The following SCLT1 variants were observed in gnomAD, a reference collection of about 807,000 sequenced individuals.
SCLT1 encodes sodium channel and clathrin linker 1, also known as sodium channel-associated protein 1.
In SCLT1, 78 loss-of-function variants were observed where a neutral mutation model predicts 112.8. That is an observed-to-expected ratio of 0.69 (90% CI 0.58 to 0.83). The LOEUF (loss-of-function observed/expected upper bound fraction) is 0.83, where lower values mean the gene tolerates loss of function less well. Ranked by LOEUF, SCLT1 falls within the 40% of genes least tolerant of loss-of-function variation. The pLI, the probability that SCLT1 is intolerant of heterozygous loss-of-function variation, is 0.00. For missense variants in SCLT1, 747 were observed against 770.4 expected (o/e 0.97, Z 0.36); for synonymous variants, 257 against 254.7 (o/e 1.01, Z -0.09).
chr4:128,911,852 T>G (rs1735121103), intron 18 of SCLT1, among the ~76,000 whole-genome samples: 1 of 152,216 alleles, frequency 6.6e-6, no homozygotes. Context: ...CTTAAAAGAA[T>G]TCAATTCTTA....
intron 5 of SCLT1, among the ~76,000 whole-genome samples, chr4:129,020,631 T>C (rs1289977216): frequency 6.6e-6 from 1 of 152,234 alleles, no homozygotes; most frequent in Non-Finnish European, 1.5e-5. Flanking sequence ...TAAGGCCATA[T>C]GAACTGGTAA....
intron 1 of SCLT1, among the ~76,000 whole-genome samples, chr4:129,088,141 A>G (rs1752556536): frequency 6.6e-6 from 1 of 152,172 alleles, no homozygotes. Context: ...CATTTATAAA[A>G]TAAAATTCAA....
At chr4:128,888,317 C>T (rs1733047603) in intron 20 of SCLT1, among the ~76,000 whole-genome samples, 1 of 151,326 alleles carries the variant, frequency 6.6e-6, no homozygotes, top group Non-Finnish European at 1.5e-5. Context: ...CTTGGGCCCA[C>T]GCCATCCTCC....
chr4:129,027,891 CAG>C (rs1450439394), intron 5 of SCLT1, among the ~76,000 whole-genome samples: 2 of 152,100 alleles, frequency 1.3e-5, no homozygotes, highest in African/African-American at 4.8e-5. Context: ...AACAGACAAA[CAG>C]AGAGCCAAAT....
chr4:129,084,225 G>T (rs1482475068), intron 1 of SCLT1, among the ~76,000 whole-genome samples: 1 of 152,072 alleles, frequency 6.6e-6, no homozygotes, highest in African/African-American at 2.4e-5. Context: ...AGACACAAAG[G>T]CTGGAAAAGA....
At position 129,043,378 on chromosome 4, in the gene SCLT1, T is replaced by G; in HGVS notation, c.234+17A>C. On this transcript the variant is annotated intron_variant, in intron 4 of 20. Transcript: ENST00000281142. ...ATAATAAAATATTACAAAAGCCTCA[T>G]AACTATGATTTCATACCTGGTAATA... is the stretch of plus-strand genomic sequence containing the variant. 1 of 1,257,180 alleles carries G rather than the reference T, an allele frequency of 8.0e-7. No individual in the cohort carries two copies. Among genetic ancestry groups the G allele is most frequent in the Non-Finnish European group, 1.1e-6 (1 of 872,516 alleles). The allele number at this position is 1,257,180 out of a possible 1,614,324, so 77.9% of individuals were successfully genotyped here.
intron 18 of SCLT1, among the ~76,000 whole-genome samples, chr4:128,915,853 CTG>C (rs1036306025): frequency 1.3e-4 from 20 of 152,182 alleles, no homozygotes; most frequent in African/African-American, 4.8e-4. Context: ...GAAAGACAGA[CTG>C]TTTTAAAACA....
intron 18 of SCLT1, among the ~76,000 whole-genome samples, chr4:128,930,551 C>CA (rs1736673648): frequency 1.3e-5 from 2 of 152,178 alleles, no homozygotes; most frequent in South Asian, 4.1e-4. Context: ...GTTCTAGAGT[C>CA]ACGGAAGTGG....
At chr4:128,976,876 A>G (rs1185491619) in intron 9 of SCLT1, among the ~76,000 whole-genome samples, 3 of 152,192 alleles carry the variant, frequency 2.0e-5, no homozygotes, top group African/African-American at 7.2e-5. Flanking sequence ...AAGATGAGAA[A>G]TAAGACTGTA....
intron 4 of SCLT1, chr4:129,039,308 T>C: frequency 4.7e-6 from 2 of 422,000 alleles, no homozygotes. Flanking sequence ...ATAAATAAAA[T>C]AGAAATATTT....
chr4:129,006,011 T>G (rs1743973423), intron 5 of SCLT1, among the ~76,000 whole-genome samples: 1 of 103,150 alleles, frequency 9.7e-6, no homozygotes, highest in Admixed American at 1.3e-4. Context: ...CTCTGGGGAC[T>G]GTTGTGGGGT....
intron 2 of SCLT1, among the ~76,000 whole-genome samples, chr4:129,077,965 T>G (rs1751605358): frequency 6.6e-6 from 1 of 152,100 alleles, no homozygotes; most frequent in African/African-American, 2.4e-5. Flanking sequence ...CCTCAAAACA[T>G]GCAGTGAAAA....
chr4:128,991,811 T>A (rs1596963), intron 9 of SCLT1, among the ~76,000 whole-genome samples: 112,985 of 151,664 alleles, frequency 0.74, 43,338 homozygotes, highest in South Asian at 0.9. Flanking sequence ...TAAAAATTTT[T>A]AAACAATACA....
chr4:128,875,244 T>A (rs1331629223), intron 4 of SCLT1: 1 of 152,672 alleles, frequency 6.5e-6, no homozygotes, highest in Non-Finnish European at 1.5e-5. Flanking sequence ...TCTTTTGAAA[T>A]CTGCTTTTGC....
chr4:128,876,978 A>G (rs1395447959), intron 3 of SCLT1, among the ~76,000 whole-genome samples: 1 of 152,214 alleles, frequency 6.6e-6, no homozygotes, highest in Non-Finnish European at 1.5e-5. Flanking sequence ...TTGCTATATA[A>G]TTCAGGTCTC....
intron 1 of SCLT1, among the ~76,000 whole-genome samples, chr4:129,084,866 A>C (rs971379672): frequency 6.6e-6 from 1 of 152,180 alleles, no homozygotes; most frequent in Non-Finnish European, 1.5e-5. Flanking sequence ...TATATAAATA[A>C]TAACTCAAGA....
At chr4:128,986,978 A>G (rs1406407757) in intron 9 of SCLT1, among the ~76,000 whole-genome samples, 1 of 152,162 alleles carries the variant, frequency 6.6e-6, no homozygotes, top group Non-Finnish European at 1.5e-5. Flanking sequence ...GGGAAGGAGT[A>G]AGAGACTTTG....
intron 5 of SCLT1, among the ~76,000 whole-genome samples, chr4:129,028,639 A>T (rs1305923138): frequency 1.3e-5 from 2 of 152,212 alleles, no homozygotes; most frequent in Non-Finnish European, 2.9e-5. Context: ...TGTCTAAAAC[A>T]CCAAAAGCAA....
At chr4:129,049,694 T>C (rs1748572699) in intron 2 of SCLT1, among the ~76,000 whole-genome samples, 2 of 151,980 alleles carry the variant, frequency 1.3e-5, no homozygotes, top group Non-Finnish European at 2.9e-5. Context: ...CCAGCACTAT[T>C]TCTTTTTTTT....
Sources: gnomAD v4.1 joint callset for allele counts (sites outside exome capture counted in the v4.1 genomes callset) on GRCh38, gnomAD v4.1.1 for gene constraint, MANE v1.5 for transcripts, NCBI Gene and HGNC (gene_info 2026-07-23, HGNC 2026-07-21) for gene names.